Variants in ZNF714 observed in about 807,000 individuals in gnomAD.
ZNF714 encodes the protein zinc finger protein 714.
Under a neutral mutation model 46.2 loss-of-function variants are expected in ZNF714, and 32 were observed. That is an observed-to-expected ratio of 0.69 (90% CI 0.52 to 0.93). ZNF714 has a LOEUF of 0.93. ZNF714 is among the 40% of genes least tolerant of loss of function. The pLI, the probability that ZNF714 is intolerant of heterozygous loss-of-function variation, is 0.00. For missense variants in ZNF714, 635 were observed against 646.3 expected, an observed-to-expected ratio of 0.98 and a Z score of 0.19; for synonymous variants, 199 against 213.1, an observed-to-expected ratio of 0.93 and a Z score of 0.58.
In ZNF714 at chr19:21,123,164, A is replaced by G. The variant is rs1355177993; in HGVS notation, c.*4832A>G. 6.6e-6 allele frequency: 1 copy of G among 151,542 alleles called. No homozygotes were observed. The highest frequency in any genetic ancestry group is 1.5e-5 in the Non-Finnish European group (1 of 67,934). The allele number at this position is 151,542 out of a possible 1,614,324, so 9.4% of individuals were successfully genotyped here. A position where few individuals can be genotyped will look rare whatever the true frequency, so the allele number is the denominator to read the frequency against. ...AAAACTCTGTCTCAAAAAAAAAAAA[A>G]AAAAAAGATTAAAGGCGCACACTGT... On this transcript the variant is annotated 3_prime_UTR_variant, in exon 5 of 5. Coordinates refer to ENST00000456283, the MANE Select transcript of ZNF714 (RefSeq NM_182515.4).
At chr19:21,105,778 A>G (rs1227177396) in intron 4 of ZNF714, among the ~76,000 whole-genome samples, 1 of 151,360 alleles carries the variant, frequency 6.6e-6, no homozygotes, top group Non-Finnish European at 1.5e-5. Context: ...AACATGGTAA[A>G]ACCCCGTCTC....
chr19:21,101,161 C>T (rs1969171611), intron 4 of ZNF714, among the ~76,000 whole-genome samples: 1 of 152,144 alleles, frequency 6.6e-6, no homozygotes, highest in South Asian at 2.1e-4. Flanking sequence ...TTCAGTGCTT[C>T]ATTAAAATAG....
intron 4 of ZNF714, chr19:21,113,020 T>C (rs1159082047): frequency 6.6e-6 from 1 of 151,806 alleles, no homozygotes; most frequent in African/African-American, 2.4e-5. Context: ...CATGGTGTGT[T>C]TCACCATGTT....
intron 2 of ZNF714, among the ~76,000 whole-genome samples, chr19:21,084,412 C>G (rs771534584): frequency 2.6e-5 from 4 of 151,904 alleles, no homozygotes; most frequent in Non-Finnish European, 5.9e-5. Flanking sequence ...GCAAGGTTAA[C>G]TGAGATGGTG....
chr19:21,091,985 G>A (rs1353907364), intron 2 of ZNF714, among the ~76,000 whole-genome samples: 1 of 152,136 alleles, frequency 6.6e-6, no homozygotes, highest in Admixed American at 6.6e-5. Context: ...TTGAGTTGCT[G>A]TTGGAGAATT....
intron 4 of ZNF714, among the ~76,000 whole-genome samples, chr19:21,104,916 CATTTTT>C (rs1452242560): frequency 2.0e-5 from 3 of 151,362 alleles, no homozygotes; most frequent in Admixed American, 1.3e-4. Flanking sequence ...CGCCCGGCCT[CATTTTT>C]ATTTTTATAT....
Position 21,124,534 on chromosome 19 carries a change from G to A in ZNF714, c.*6202G>A, listed in dbSNP as rs1341148923. On this transcript the variant is annotated 3_prime_UTR_variant, in exon 5 of 5. Transcript: ENST00000456283. ...ACTTGAGAAAATGTGTGCTTTTTCT[G>A]TAGAACATATTTTGAAGTATATATA... Among the ~76,000 whole-genome samples, 1 of 152,060 alleles carries A rather than the reference G, an allele frequency of 6.6e-6. No individual in the cohort carries two copies. The highest frequency in any genetic ancestry group is 1.5e-5 in the Non-Finnish European group (1 of 67,996).
Position 21,120,730 on chromosome 19 carries a change from T to C in ZNF714, c.*2398T>C, listed in dbSNP as rs1969690210. ...GTATAGGTAAAAGATGGTAACGATA[T>C]ACTATTTAGTAACATAATGGATTAA... On this transcript the variant is annotated 3_prime_UTR_variant, in exon 5 of 5. Transcript: ENST00000456283. 1 of 151,634 alleles carries C rather than the reference T, an allele frequency of 6.6e-6. No homozygotes were observed. The highest frequency in any genetic ancestry group is 6.6e-5 in the Admixed American group (1 of 15,138). The allele number at this position is 151,634 out of a possible 1,614,324, so 9.4% of individuals were successfully genotyped here.
intron 4 of ZNF714, among the ~76,000 whole-genome samples, chr19:21,106,389 G>A (rs1474850021): frequency 6.6e-6 from 1 of 151,904 alleles, no homozygotes; most frequent in African/African-American, 2.4e-5. Flanking sequence ...CCAACATGGT[G>A]AGACCCCCAT....
chr19:21,095,436 A>G (rs574876155), intron 2 of ZNF714, among the ~76,000 whole-genome samples: 1 of 150,750 alleles, frequency 6.6e-6, no homozygotes, highest in Non-Finnish European at 1.5e-5. Context: ...CACAGCCTCC[A>G]TAATGGTGAT....
At chr19:21,096,967 T>C (rs536145386) in intron 2 of ZNF714, among the ~76,000 whole-genome samples, 3 of 152,234 alleles carry the variant, frequency 2.0e-5, no homozygotes, top group East Asian at 3.9e-4. Context: ...CCTGGGTTCA[T>C]GCTTTTCTCC....
chr19:21,119,309 G>C lies in ZNF714; in HGVS notation c.*977G>C, dbSNP rs1969668845. The C allele has an allele frequency of 3.6e-6, 1 of 278,506 alleles. No individual in the cohort carries two copies. Among genetic ancestry groups the C allele is most frequent in the Admixed American group, 5.1e-5 (1 of 19,678 alleles). The allele number at this position is 278,506 out of a possible 1,614,324, so 17.3% of individuals were successfully genotyped here. Reference sequence around the variant, plus strand: ...CCCAGCTACTCAAGAGGCTGAGGCAGGAGAATCACTTGAACTTGGGGAGGG... The same window carrying C: ...CCCAGCTACTCAAGAGGCTGAGGCACGAGAATCACTTGAACTTGGGGAGGG... On this transcript the variant is annotated 3_prime_UTR_variant, in exon 5 of 5. Transcript: ENST00000456283.
intron 4 of ZNF714, 72 bp from the exon 5 acceptor site, chr19:21,116,735 T>C: frequency 2.7e-6 from 4 of 1,472,826 alleles, no homozygotes; most frequent in Non-Finnish European, 3.6e-6. Context: ...TTGTATAATA[T>C]AGGTTAGATT....
rs1294779552 is a variant in ZNF714 at position 21,121,428 on chromosome 19, T to G, written c.*3096T>G. 1 of 152,210 alleles carries G rather than the reference T, an allele frequency of 6.6e-6. No homozygotes were observed. The highest frequency in any genetic ancestry group is 1.9e-4 in the East Asian group (1 of 5,206). 9.4% of individuals were successfully genotyped at this position (152,210 alleles called of 1,614,324 possible). A position where few individuals can be genotyped will look rare whatever the true frequency, so the allele number is the denominator to read the frequency against. On this transcript the variant is annotated 3_prime_UTR_variant, in exon 5 of 5. Transcript: ENST00000456283. Reference sequence around the variant, plus strand: ...TTATTTTTATGGTCATAATACAAATTATATATGAGTATAAATAAAATTCAT... The same window carrying G: ...TTATTTTTATGGTCATAATACAAATGATATATGAGTATAAATAAAATTCAT...
intron 4 of ZNF714, among the ~76,000 whole-genome samples, chr19:21,109,809 T>G (rs1478522593): frequency 6.6e-6 from 1 of 152,170 alleles, no homozygotes; most frequent in Non-Finnish European, 1.5e-5. Context: ...GTGTTCTTAT[T>G]GTTCAGTTTC....
intron 4 of ZNF714, among the ~76,000 whole-genome samples, chr19:21,115,881 G>GT (rs148942347): frequency 0.092 from 13,772 of 150,350 alleles, 707 homozygotes; most frequent in Middle Eastern, 0.17. Context: ...TTTCTTATCA[G>GT]TTTTTTCTGG....
At chr19:21,082,481 C>A in intron 1 of ZNF714, 133 bp downstream of exon 1, 2 of 924,118 alleles carry the variant, frequency 2.2e-6, no homozygotes, top group Non-Finnish European at 1.6e-6. Flanking sequence ...CCTTGCTCAG[C>A]TCGGCCTCAG....
At chr19:21,102,937 TTTAA>T (rs762029208) in intron 4 of ZNF714, among the ~76,000 whole-genome samples, 1 of 152,200 alleles carries the variant, frequency 6.6e-6, no homozygotes, top group Non-Finnish European at 1.5e-5. Context: ...CAATGTGATG[TTTAA>T]TTAAGAGATA....
chr19:21,110,727 A>G (rs928854057), intron 4 of ZNF714, among the ~76,000 whole-genome samples: 1 of 152,190 alleles, frequency 6.6e-6, no homozygotes, highest in Non-Finnish European at 1.5e-5. Context: ...TGGGTTTCAA[A>G]TTTAAGTTTT....
Sources: allele counts gnomAD v4.1 joint callset (sites outside exome capture counted in the v4.1 genomes callset), GRCh38; gene constraint gnomAD v4.1.1; transcripts MANE v1.5; gene names NCBI Gene and HGNC (gene_info 2026-07-23, HGNC 2026-07-21).